Variants in ASH1L observed in about 807,000 individuals in gnomAD.
The protein encoded by ASH1L is histone-lysine N-methyltransferase ASH1L.
Under a neutral mutation model 269.0 loss-of-function variants are expected in ASH1L, and 23 were observed. That is an observed-to-expected ratio of 0.09 (90% CI 0.06 to 0.12). ASH1L has a LOEUF of 0.12. Ranked by LOEUF, ASH1L falls within the 10% of genes least tolerant of loss-of-function variation. The pLI is 1.00. For missense variants in ASH1L, 2,912 were observed against 3,567.8 expected, an observed-to-expected ratio of 0.82 and a Z score of 4.68; for synonymous variants, 1,187 against 1,253.5, an observed-to-expected ratio of 0.95 and a Z score of 1.12.
intron 5 of ASH1L, among the ~76,000 whole-genome samples, chr1:155,423,328 C>A (rs1660868369): frequency 6.6e-6 from 1 of 151,224 alleles, no homozygotes; most frequent in Non-Finnish European, 1.5e-5. Context: ...CACCTGTAAT[C>A]CCAGCACGTT....
At chr1:155,472,473 C>T (rs1665176658) in intron 3 of ASH1L, among the ~76,000 whole-genome samples, 1 of 152,158 alleles carries the variant, frequency 6.6e-6, no homozygotes, top group Non-Finnish European at 1.5e-5. Flanking sequence ...GTAGATGATA[C>T]ATTCAACATC....
At position 155,521,559 on chromosome 1, in the gene ASH1L, T is replaced by C; in HGVS notation, c.-40A>G. On this transcript the variant is annotated 5_prime_UTR_variant, in exon 2 of 28. It removes the in-frame stop codon of an upstream open reading frame in the 5' UTR. Coordinates refer to ENST00000392403, the MANE Select transcript of ASH1L (RefSeq NM_018489.3). ...ATTGCCAAGGAATCTTATGAAAATT[T>C]TACAGAACTGTGTTCCATAAAAAAC... 1.9e-6 allele frequency: 3 copies of C among 1,550,496 alleles called. No individual in the cohort carries two copies. The highest frequency in any genetic ancestry group is 2.6e-6 in the Non-Finnish European group (3 of 1,148,006).
Position 155,335,287 on chromosome 1 carries a change from T to C in ASH1L, c.*2373A>G, listed in dbSNP as rs1264522868. 6.5e-6 allele frequency: 1 copy of C among 152,786 alleles called. No individual in the cohort carries two copies. Among genetic ancestry groups the C allele is most frequent in the Admixed American group, 6.5e-5 (1 of 15,282 alleles). The allele number at this position is 152,786 out of a possible 1,614,324, so 9.5% of individuals were successfully genotyped here. The stretch of plus-strand genomic sequence containing the variant: ...CCACAGTTAGGAAAAGTTTTTTCCA[T>C]TTAATACTAGACTTTCAAGGATTGA... On this transcript the variant is annotated 3_prime_UTR_variant, in exon 28 of 28. Coordinates refer to ENST00000392403, the MANE Select transcript of ASH1L (RefSeq NM_018489.3).
rs571401072 is a variant in ASH1L, at chr1:155,434,069, G to A, written c.5828+4258C>T. 5.0e-6 allele frequency: 8 copies of A among 1,592,464 alleles called. No homozygotes were observed. In the African/African-American group the frequency reaches 9.4e-5, roughly 19 times the overall value. ...AAGCAGCGACTATGCATAACGAGAG[G>A]ATTTTGAGGCTGCTGGGTCTCCTTT... On this transcript the variant is annotated intron_variant, in intron 5 of 27. Coordinates refer to ENST00000392403, the MANE Select transcript of ASH1L (RefSeq NM_018489.3).
intron 1 of ASH1L, among the ~76,000 whole-genome samples, chr1:155,546,172 A>AAC (rs1284411779): frequency 6.6e-6 from 1 of 150,942 alleles, no homozygotes; most frequent in African/African-American, 2.4e-5. Flanking sequence ...AAAAAAAAAA[A>AAC]AAACAAAAAT....
In ASH1L at chr1:155,347,645, C is replaced by G. The variant is rs1653476120; in HGVS notation, c.7803+11G>C. 6.2e-7 allele frequency: 1 copy of G among 1,613,266 alleles called. No homozygotes were observed. Reference sequence around the variant, plus strand: ...CAGGACCAAGCTTCTGCTTCATTTCCTGACCCTCACCATGCACTTGTCACA... The same window carrying G: ...CAGGACCAAGCTTCTGCTTCATTTCGTGACCCTCACCATGCACTTGTCACA... On this transcript the variant is annotated intron_variant, in intron 20 of 27. Coordinates refer to ENST00000392403, the MANE Select transcript of ASH1L (RefSeq NM_018489.3).
chr1:155,358,998 C>T lies in ASH1L; in HGVS notation c.6796-1249G>A, dbSNP rs528383179. 2.1e-3 allele frequency among the ~76,000 whole-genome samples: 321 copies of T among 152,092 alleles called. 2 individuals are homozygous for T. The highest frequency in any genetic ancestry group is 7.4e-3 in the African/African-American group (308 of 41,508). On this transcript the variant is annotated intron_variant, in intron 13 of 27. Transcript: ENST00000392403. ...AGCGACGCACAGTGGTACACGCCTG[C>T]GGTCCCAGCTACTCAGAAGGTTATG...
At position 155,562,625 on chromosome 1, in the gene ASH1L, G is replaced by A. The variant is rs1342534360; in HGVS notation, c.-572C>T. On this transcript the variant is annotated 5_prime_UTR_variant, in exon 1 of 28. Transcript: ENST00000392403. Reference sequence around the variant, plus strand: ...GCCCGCACGCGTACGAGTGTCTACGGGCTCGTCGCTGGCTGCTCCCACCAA... The same window carrying A: ...GCCCGCACGCGTACGAGTGTCTACGAGCTCGTCGCTGGCTGCTCCCACCAA... 7.2e-5 allele frequency: 110 copies of A among 1,526,996 alleles called. No homozygotes were observed. Among genetic ancestry groups the A allele is most frequent in the Non-Finnish European group, 9.5e-5 (108 of 1,141,176 alleles). 94.6% of individuals were successfully genotyped at this position (1,526,996 alleles called of 1,614,324 possible).
chr1:155,528,435 C>CT (rs55750350), intron 1 of ASH1L, among the ~76,000 whole-genome samples: 641 of 144,394 alleles, frequency 4.4e-3, no homozygotes, highest in South Asian at 6.9e-3. Context: ...ATTGCAATAG[C>CT]TTTTTTTTTT....
chr1:155,401,250 G>A (rs912652219), intron 6 of ASH1L, among the ~76,000 whole-genome samples: 1 of 152,090 alleles, frequency 6.6e-6, no homozygotes, highest in African/African-American at 2.4e-5. Flanking sequence ...GCCAAGGCAG[G>A]CGGATCACTT....
Position 155,482,178 on chromosome 1 carries a change from T to C in ASH1L, c.692A>G (p.Lys231Arg), listed in dbSNP as rs1375628540. The change falls in exon 3 of 28, where the codon AAG (lysine) becomes AGG (arginine). Residue 231 changes from lysine (K) to arginine (R), a missense_variant. Transcript: ENST00000392403. ...CTTCTTCGGTTTTGTCTTGGAAGAC[T>C]TGGAAGGAGGACAGGTAGCAATCAG... Reference protein sequence around the residue: ...AQLIATCPPSKSSKTKPKKLG... With the variant: ...AQLIATCPPSRSSKTKPKKLG... 3 of 1,614,190 alleles carry C rather than the reference T, an allele frequency of 1.9e-6. No individual in the cohort carries two copies. Among genetic ancestry groups the C allele is most frequent in the Non-Finnish European group, 1.7e-6 (2 of 1,180,016 alleles).
intron 2 of ASH1L, among the ~76,000 whole-genome samples, chr1:155,502,955 G>A (rs567612356): frequency 3.3e-5 from 5 of 152,156 alleles, no homozygotes; most frequent in Admixed American, 3.3e-4. Context: ...CTTCATAATT[G>A]CCCTAACCGT....
In ASH1L at chr1:155,481,494, C is replaced by G. The variant is rs771976082; in HGVS notation, c.1376G>C (p.Ser459Thr). 2 of 1,614,142 alleles carry G rather than the reference C, an allele frequency of 1.2e-6. No homozygotes were observed. The highest frequency in any genetic ancestry group is 3.3e-5 in the Admixed American group (2 of 60,022). Residue 459 changes from serine (S) to threonine (T), a missense_variant, in exon 3 of 28, where the codon AGT becomes ACT. Coordinates refer to ENST00000392403, the MANE Select transcript of ASH1L (RefSeq NM_018489.3). ...SQELSESLKD[S>T]ATSKTFEKNV... Reference sequence around the variant, plus strand: ...CTTTTCAAAAGTTTTGCTGGTGGCACTATCTTTCAGGGATTCAGAAAGTTC... The same window carrying G: ...CTTTTCAAAAGTTTTGCTGGTGGCAGTATCTTTCAGGGATTCAGAAAGTTC...
chr1:155,562,062 C>T, intron 1 of ASH1L, 91 bp downstream of exon 1: 1 of 882,282 alleles, frequency 1.1e-6, no homozygotes, highest in Non-Finnish European at 1.8e-6. Flanking sequence ...AGATCCAGGT[C>T]CGGGAGATGA....
chr1:155,554,144 G>A (rs1274019037), intron 1 of ASH1L, among the ~76,000 whole-genome samples: 1 of 151,600 alleles, frequency 6.6e-6, no homozygotes, highest in East Asian at 1.9e-4. Flanking sequence ...GAGTAGAGTG[G>A]TGCGATTACA....
In ASH1L at chr1:155,438,765, C is replaced by T. The variant is rs1662306057; in HGVS notation, c.5390G>A (p.Arg1797Lys). Reference sequence around the variant, plus strand: ...GCGTTGCATAGCTTCCACTACACTTCTCTTGATATGATGGGGGGAACAGCT... The same window carrying T: ...GCGTTGCATAGCTTCCACTACACTTTTCTTGATATGATGGGGGGAACAGCT... ...TSSCSPHHIK[R>K]SVVEAMQRQA... The change falls in exon 5 of 28, where the codon AGA (arginine) becomes AAA (lysine). Residue 1797 changes from arginine to lysine, a missense_variant. By Grantham distance (26) the Arg-to-Lys change is conservative. Around this residue, in one of 13 missense-constraint regions of ASH1L, gnomAD observed 789 missense variants for 897.6 expected, o/e 0.88. Transcript: ENST00000392403. 6.2e-7 allele frequency: 1 copy of T among 1,614,078 alleles called. No individual in the cohort carries two copies. The highest frequency in any genetic ancestry group is 1.3e-5 in the African/African-American group (1 of 74,934).
chr1:155,466,055 A>G (rs1664670938), intron 3 of ASH1L, among the ~76,000 whole-genome samples: 1 of 152,124 alleles, frequency 6.6e-6, no homozygotes, highest in South Asian at 2.1e-4. Flanking sequence ...GCGATTTTTA[A>G]GCTATAAAGT....
intron 1 of ASH1L, among the ~76,000 whole-genome samples, chr1:155,543,509 C>CAAAAAAAA (rs34813767): frequency 3.5e-5 from 2 of 57,436 alleles, no homozygotes; most frequent in African/African-American, 7.2e-5. Flanking sequence ...GACTCTGTCT[C>CAAAAAAAA]AAAAAAAAAA....
intron 6 of ASH1L, among the ~76,000 whole-genome samples, chr1:155,411,586 A>AATATAC: frequency 1.8e-5 from 1 of 55,188 alleles, no homozygotes; most frequent in Non-Finnish European, 3.2e-5. Flanking sequence ...TAAATAAATA[A>AATATAC]ATATATATAT....
Sources: gnomAD v4.1 joint callset for allele counts (sites outside exome capture counted in the v4.1 genomes callset) on GRCh38, gnomAD v4.1.1 for gene constraint, gnomAD v4.1.1 regional missense constraint, MANE v1.5 for transcripts, NCBI Gene and HGNC (gene_info 2026-07-23, HGNC 2026-07-21) for gene names.